The following ATG10 variants were observed in gnomAD, a reference collection of about 807,000 sequenced individuals.
ATG10 encodes the protein autophagy related 10.
A neutral mutation model predicts 32.1 loss-of-function variants in ATG10; 30 were observed. That is an observed-to-expected ratio of 0.94 (90% CI 0.70 to 1.27). The LOEUF is 1.27. Ranked by LOEUF, ATG10 falls within the 50% of genes most tolerant of loss-of-function variation. The probability of loss-of-function intolerance (pLI) is 0.00; values close to 1 mark genes in which losing one functional copy is unlikely to be tolerated. For missense variants in ATG10, 233 were observed against 262.3 expected (o/e 0.89, Z 0.77); for synonymous variants, 87 against 91.5 (o/e 0.95, Z 0.28).
rs77370697 is a variant in ATG10, at chr5:82,122,040, T to A, written c.217-42359T>A. On this transcript the variant is annotated intron_variant, in intron 3 of 7. Coordinates refer to ENST00000282185, the MANE Select transcript of ATG10 (RefSeq NM_031482.5). ...GGAGAGGAGTCCCACCTCAATTTTT[T>A]AAGAGTAGTTTCAGTAGGAATGGTA... 4.8e-4 allele frequency among the ~76,000 whole-genome samples: 73 copies of A among 151,704 alleles called. 6 individuals are homozygous for A. The East Asian group carries it at 0.014, about 29-fold the overall frequency.
intron 5 of ATG10, among the ~76,000 whole-genome samples, chr5:82,200,435 A>C (rs1225643038): frequency 1.4e-5 from 2 of 143,438 alleles, no homozygotes; most frequent in Non-Finnish European, 3.1e-5. Flanking sequence ...TCTTTGATGA[A>C]GTATCTTTTC....
chr5:82,129,108 C>G (rs184968884), intron 3 of ATG10, among the ~76,000 whole-genome samples: 94 of 151,718 alleles, frequency 6.2e-4, no homozygotes, highest in African/African-American at 2.0e-3. Flanking sequence ...TCTTCAATCT[C>G]TGATATCCTT....
chr5:82,090,683 CTGTATCAG>C (rs568387237), intron 3 of ATG10, among the ~76,000 whole-genome samples: 65 of 152,288 alleles, frequency 4.3e-4, no homozygotes, highest in Admixed American at 1.3e-3. Flanking sequence ...TGTATCTTCA[CTGTATCAG>C]TGTATCAGTG....
At chr5:82,004,408 T>C (rs2149686851) in intron 2 of ATG10, among the ~76,000 whole-genome samples, 1 of 152,258 alleles carries the variant, frequency 6.6e-6, no homozygotes, top group Admixed American at 6.5e-5. Context: ...AAGTTGAATC[T>C]GAATAGAATC....
chr5:82,138,999 C>T (rs1319235877), intron 3 of ATG10, among the ~76,000 whole-genome samples: 2 of 150,864 alleles, frequency 1.3e-5, no homozygotes. Context: ...ATCGCAGGCA[C>T]GCGCCGCCAC....
At chr5:82,243,603 C>G (rs982729944) in intron 5 of ATG10, among the ~76,000 whole-genome samples, 2 of 152,090 alleles carry the variant, frequency 1.3e-5, no homozygotes, top group African/African-American at 2.4e-5. Context: ...AGTTTCAGTT[C>G]TCTAAGAAGA....
intron 5 of ATG10, among the ~76,000 whole-genome samples, chr5:82,234,874 A>G (rs547278911): frequency 1.9e-4 from 29 of 152,292 alleles, no homozygotes; most frequent in Non-Finnish European, 3.2e-4. Flanking sequence ...TCTTTCCTGC[A>G]TTCTTTTTTG....
chr5:82,208,259 C>CT (rs58272693), intron 5 of ATG10, among the ~76,000 whole-genome samples: 58 of 148,732 alleles, frequency 3.9e-4, no homozygotes, highest in Admixed American at 5.4e-4. Flanking sequence ...CCTAACTATT[C>CT]TTTTTTTTTT....
intron 2 of ATG10, among the ~76,000 whole-genome samples, chr5:82,044,636 C>A (rs377696561): frequency 6.6e-6 from 1 of 151,952 alleles, no homozygotes; most frequent in Non-Finnish European, 1.5e-5. Flanking sequence ...TGAATTGCGA[C>A]GGCAAGTCCT....
At chr5:81,986,309 C>T (rs1281085502) in intron 1 of ATG10, among the ~76,000 whole-genome samples, 1 of 152,190 alleles carries the variant, frequency 6.6e-6, no homozygotes, top group Non-Finnish European at 1.5e-5. Context: ...AGAGGCGCTT[C>T]GTGATCAGCA....
chr5:82,056,542 G>A (rs1303902533), intron 2 of ATG10, among the ~76,000 whole-genome samples: 1 of 151,148 alleles, frequency 6.6e-6, no homozygotes, highest in East Asian at 2.0e-4. Context: ...CATTGGCTGT[G>A]ATGTAGATCA....
chr5:82,232,751 C>T (rs1277901050), intron 5 of ATG10, among the ~76,000 whole-genome samples: 1 of 119,664 alleles, frequency 8.4e-6, no homozygotes, highest in Non-Finnish European at 1.7e-5. Context: ...ATTCTCCACC[C>T]AGCAGCCAAC....
At chr5:81,996,822 A>G (rs985400366) in intron 2 of ATG10, among the ~76,000 whole-genome samples, 5 of 152,202 alleles carry the variant, frequency 3.3e-5, no homozygotes, top group Admixed American at 2.0e-4. Context: ...CTTAGTTTTT[A>G]CATCTAGCAA....
At chr5:82,136,083 A>G (rs1029898292) in intron 3 of ATG10, among the ~76,000 whole-genome samples, 5 of 152,008 alleles carry the variant, frequency 3.3e-5, no homozygotes, top group Non-Finnish European at 5.9e-5. Context: ...CTTGGTAATT[A>G]TTCTTCCATC....
At chr5:82,246,372 A>G (rs572553972) in intron 5 of ATG10, among the ~76,000 whole-genome samples, 29 of 151,980 alleles carry the variant, frequency 1.9e-4, no homozygotes, top group Non-Finnish European at 1.9e-4. Flanking sequence ...TGCTCGGCCA[A>G]TCTGACTTAA....
chr5:82,183,122 A>C (rs962269619), intron 5 of ATG10, among the ~76,000 whole-genome samples: 5 of 121,730 alleles, frequency 4.1e-5, no homozygotes, highest in African/African-American at 1.4e-4. Flanking sequence ...TAAGGACTCA[A>C]AAAAAACATA....
chr5:82,003,902 G>A (rs1188388552), intron 2 of ATG10, among the ~76,000 whole-genome samples: 1 of 152,206 alleles, frequency 6.6e-6, no homozygotes, highest in Non-Finnish European at 1.5e-5. Context: ...CACTTTGGGA[G>A]GCCAAGGCAG....
At chr5:82,054,820 G>C (rs1384908896) in intron 2 of ATG10, among the ~76,000 whole-genome samples, 1 of 152,168 alleles carries the variant, frequency 6.6e-6, no homozygotes, top group Non-Finnish European at 1.5e-5. Flanking sequence ...GGAGGCCTAG[G>C]CCCTGAGCTT....
intron 3 of ATG10, among the ~76,000 whole-genome samples, chr5:82,071,022 A>G (rs567504757): frequency 6.6e-6 from 1 of 152,268 alleles, no homozygotes; most frequent in Non-Finnish European, 1.5e-5. Flanking sequence ...TCTCTGTGAC[A>G]CTGGTGACAA....
Sources: gnomAD v4.1 joint callset for allele counts (sites outside exome capture counted in the v4.1 genomes callset) on GRCh38, gnomAD v4.1.1 for gene constraint, MANE v1.5 for transcripts, NCBI Gene and HGNC (gene_info 2026-07-23, HGNC 2026-07-21) for gene names.